RPS6KA2: variants seen among roughly 807,000 people sequenced by gnomAD.
The protein encoded by RPS6KA2 is ribosomal protein S6 kinase alpha-2.
RPS6KA2 carries 42 observed loss-of-function variants against 91.8 expected under a neutral mutation model. The ratio of observed to expected loss-of-function variants is 0.46; its 90% confidence interval spans 0.36 to 0.59. The LOEUF (loss-of-function observed/expected upper bound fraction) is 0.59. Among genes scored for constraint, RPS6KA2 ranks in the 20% least tolerant of loss-of-function variants. RPS6KA2 has a pLI of 0.00. For synonymous variants in RPS6KA2, 414 were observed against 393.6 expected, an observed-to-expected ratio of 1.05 and a Z score of -0.61; for missense variants, 798 against 978.5, an observed-to-expected ratio of 0.82 and a Z score of 2.46.
At chr6:166,611,710 C>T (rs1786184034) in intron 1 of RPS6KA2, among the ~76,000 whole-genome samples, 1 of 152,248 alleles carries the variant, frequency 6.6e-6, no homozygotes, top group Admixed American at 6.5e-5. Flanking sequence ...GATTTCCCAG[C>T]TCTTTCCTCT....
chr6:166,808,174 C>T (rs974512115), intron 2 of RPS6KA2, among the ~76,000 whole-genome samples: 1 of 152,228 alleles, frequency 6.6e-6, no homozygotes, highest in African/African-American at 2.4e-5. Flanking sequence ...AGGTCCATCA[C>T]AGGGACACAC....
At chr6:166,431,976 G>A (rs978080574) in intron 15 of RPS6KA2, among the ~76,000 whole-genome samples, 2 of 152,154 alleles carry the variant, frequency 1.3e-5, no homozygotes, top group African/African-American at 2.4e-5. Context: ...CCGTTTGCAC[G>A]CAGCAGTCAC....
At chr6:166,817,347 T>C (rs1779792413) in intron 2 of RPS6KA2, among the ~76,000 whole-genome samples, 2 of 152,080 alleles carry the variant, frequency 1.3e-5, no homozygotes, top group Non-Finnish European at 1.5e-5. Context: ...ACTGTAAGGT[T>C]AGATGGGGAA....
At chr6:166,436,612 G>A (rs751246338) in intron 14 of RPS6KA2, among the ~76,000 whole-genome samples, 3 of 152,236 alleles carry the variant, frequency 2.0e-5, no homozygotes, top group Non-Finnish European at 2.9e-5. Context: ...TGTCTGTCTC[G>A]CACTAGCAGA....
chr6:166,528,368 A>G (rs113449559), intron 3 of RPS6KA2, among the ~76,000 whole-genome samples: 13 of 152,026 alleles, frequency 8.6e-5, no homozygotes, highest in Non-Finnish European at 1.0e-4. Flanking sequence ...CTAGCCATAT[A>G]TAGAAAGCTG....
intron 2 of RPS6KA2, among the ~76,000 whole-genome samples, chr6:166,823,434 A>AGTGT (rs56187218): frequency 0.096 from 14,133 of 147,970 alleles, 718 homozygotes; most frequent in East Asian, 0.15. Flanking sequence ...TTGGTTTTGC[A>AGTGT]GTGTGTGTGT....
intron 17 of RPS6KA2, among the ~76,000 whole-genome samples, chr6:166,422,163 G>T (rs182215501): frequency 1.3e-5 from 2 of 152,160 alleles, no homozygotes; most frequent in Non-Finnish European, 2.9e-5. Flanking sequence ...GCCTCCCAAA[G>T]TGCTGGGATT....
intron 1 of RPS6KA2, among the ~76,000 whole-genome samples, chr6:166,552,261 G>A (rs139990680): frequency 2.0e-5 from 3 of 152,288 alleles, no homozygotes; most frequent in East Asian, 3.9e-4. Flanking sequence ...CTCCTACCTC[G>A]CAAAGCGTCT....
chr6:166,795,779 C>T (rs934218262), intron 2 of RPS6KA2, among the ~76,000 whole-genome samples: 3 of 152,146 alleles, frequency 2.0e-5, no homozygotes, highest in Admixed American at 1.3e-4. Context: ...GCTCGGACCA[C>T]AGGAATCAGG....
At chr6:166,854,468 G>T (rs2128633362) in intron 2 of RPS6KA2, among the ~76,000 whole-genome samples, 1 of 135,374 alleles carries the variant, frequency 7.4e-6, no homozygotes, top group South Asian at 2.7e-4. Flanking sequence ...CTCCTCCAGG[G>T]CAAGCCTCGC....
chr6:166,744,808 G>A (rs1251415047), intron 2 of RPS6KA2, among the ~76,000 whole-genome samples: 1 of 152,158 alleles, frequency 6.6e-6, no homozygotes, highest in Admixed American at 6.5e-5. Flanking sequence ...GACTCCAGTT[G>A]AAGACACTAG....
rs900005443 is a variant in RPS6KA2 at position 166,648,293 on chromosome 6, A to G, written c.124-109509T>C. Among the ~76,000 whole-genome samples, 12 of 151,992 alleles carry G rather than the reference A, an allele frequency of 7.9e-5. No homozygotes were observed. Among genetic ancestry groups the G allele is most frequent in the African/African-American group, 2.4e-4 (10 of 41,362 alleles). On this transcript the variant is annotated intron_variant, in intron 2 of 21. Coordinates refer to the RPS6KA2 transcript ENST00000503859. The surrounding 1 kb of genome is among the most constrained non-coding windows in gnomAD (Gnocchi z 4.8). ...ATACACACGCATGCACACAGTATGCACACACACGCATGTATACACATGCAC... is the reference window on the plus strand; with the variant it reads ...ATACACACGCATGCACACAGTATGCGCACACACGCATGTATACACATGCAC...
intron 1 of RPS6KA2, among the ~76,000 whole-genome samples, chr6:166,549,245 T>C (rs779288999): frequency 2.6e-5 from 4 of 152,230 alleles, no homozygotes; most frequent in Non-Finnish European, 5.9e-5. Flanking sequence ...TTCCAGCCAT[T>C]GTAGAAAACA....
intron 1 of RPS6KA2, among the ~76,000 whole-genome samples, chr6:166,621,167 CATGCAAATGACTGCATAACAT>C (rs761992594): frequency 8.0e-5 from 12 of 150,510 alleles, no homozygotes; most frequent in East Asian, 1.9e-4. Context: ...TCCAGGAACG[CATGCAAATGACTGCATAACAT>C]ATGCAAATGA....
chr6:166,552,531 G>GT (rs3839530), intron 1 of RPS6KA2, among the ~76,000 whole-genome samples: 23 of 150,222 alleles, frequency 1.5e-4, no homozygotes, highest in Admixed American at 2.6e-4. Flanking sequence ...TATTATAAAA[G>GT]TTTTTTTTTT....
At position 166,412,119 on chromosome 6, in the gene RPS6KA2, C is replaced by G. The variant is rs1448176578; in HGVS notation, c.*643G>C. The G allele has an allele frequency of 6.6e-6, 1 of 152,608 alleles. No individual in the cohort carries two copies. The highest frequency in any genetic ancestry group is 1.5e-5 in the Non-Finnish European group (1 of 68,088). 9.5% of individuals were successfully genotyped at this position (152,608 alleles called of 1,614,324 possible). A position where few individuals can be genotyped will look rare whatever the true frequency, so the allele number is the denominator to read the frequency against. On this transcript the variant is annotated 3_prime_UTR_variant, in exon 21 of 21. Coordinates refer to ENST00000265678, the MANE Select transcript of RPS6KA2 (RefSeq NM_021135.6). The surrounding 1 kb of genome is among the most constrained non-coding windows in gnomAD (Gnocchi z 4.3). ...AGCCTGCCTTCCTCTCGTCTGGGCT[C>G]TTACTCCTCATTTGAATCTGGGACA...
At chr6:166,499,647 C>T (rs1218090155) in intron 7 of RPS6KA2, among the ~76,000 whole-genome samples, 2 of 152,222 alleles carry the variant, frequency 1.3e-5, no homozygotes, top group Non-Finnish European at 2.9e-5. Context: ...TCCTCCTTCT[C>T]CTTCTGCCAT....
Position 166,767,413 on chromosome 6 carries a change from T to C in RPS6KA2, c.123+90787A>G, listed in dbSNP as rs9457203. ...GCTCCAGATCAATGCGGTCCAGAGG[T>C]GAAAGCGTGGTTAGAGGAAGACAAA... is the stretch of plus-strand genomic sequence containing the variant. On this transcript the variant is annotated intron_variant, in intron 2 of 21. Transcript: ENST00000503859. The surrounding 1 kb of genome is among the most constrained non-coding windows in gnomAD (Gnocchi z 4.6). 0.32 allele frequency among the ~76,000 whole-genome samples: 49,161 copies of C among 151,862 alleles called. 8,737 individuals carry two copies. The highest frequency in any genetic ancestry group is 0.48 in the African/African-American group (19,857 of 41,424).
At chr6:166,438,916 T>TA (rs1000744797) in intron 14 of RPS6KA2, among the ~76,000 whole-genome samples, 8 of 151,872 alleles carry the variant, frequency 5.3e-5, no homozygotes, top group South Asian at 4.2e-4. Flanking sequence ...AGCGTCCAAT[T>TA]AAAAAAAAAA....
Sources: allele counts gnomAD v4.1 joint callset (sites outside exome capture counted in the v4.1 genomes callset), GRCh38; gene constraint gnomAD v4.1.1; non-coding constraint Gnocchi (gnomAD v3.1); transcripts MANE v1.5; gene names NCBI Gene and HGNC (gene_info 2026-07-23, HGNC 2026-07-21).